Variants in LRRC72 observed in about 807,000 individuals in gnomAD.
LRRC72 encodes leucine rich repeat containing 72.
In LRRC72, 41 loss-of-function variants were observed where a neutral mutation model predicts 35.8. That is an observed-to-expected ratio of 1.15 (90% CI 0.89 to 1.49). LRRC72 has a LOEUF of 1.49. Among genes scored for constraint, LRRC72 ranks in the 40% most tolerant of loss-of-function variants. LRRC72 has a pLI of 0.00. For missense variants in LRRC72, 389 were observed against 330.7 expected (o/e 1.18, Z -1.37); for synonymous variants, 118 against 119.2 (o/e 0.99, Z 0.07).
At chr7:16,542,206 G>C (rs775572632) in intron 3 of LRRC72, among the ~76,000 whole-genome samples, 16 of 152,190 alleles carry the variant, frequency 1.1e-4, no homozygotes, top group Admixed American at 2.0e-4. Context: ...ACTACTCATT[G>C]AATATTCACA....
At chr7:16,554,779 G>T (rs780175434) in intron 3 of LRRC72, among the ~76,000 whole-genome samples, 1 of 152,126 alleles carries the variant, frequency 6.6e-6, no homozygotes, top group Non-Finnish European at 1.5e-5. Context: ...GTTAATGCTC[G>T]TGGGAAAACC....
At chr7:16,547,389 G>A (rs1345490821) in intron 3 of LRRC72, among the ~76,000 whole-genome samples, 1 of 152,106 alleles carries the variant, frequency 6.6e-6, no homozygotes, top group Non-Finnish European at 1.5e-5. Context: ...GAGCTCCCCA[G>A]GCACAACTAC....
chr7:16,559,060 C>A, intron 5 of LRRC72, 61 bp downstream of exon 5: 1 of 1,044,434 alleles, frequency 9.6e-7, no homozygotes, highest in African/African-American at 1.6e-5. Flanking sequence ...AGACATTTTT[C>A]CATTTATCAA....
intron 7 of LRRC72, among the ~76,000 whole-genome samples, chr7:16,574,452 T>C (rs144572817): frequency 0.015 from 2,337 of 152,264 alleles, 59 homozygotes; most frequent in African/African-American, 0.054. Flanking sequence ...ATATACACCA[T>C]GGAATACTAT....
chr7:16,569,710 G>A (rs545180656), intron 7 of LRRC72, among the ~76,000 whole-genome samples: 114 of 151,866 alleles, frequency 7.5e-4, no homozygotes, highest in Admixed American at 3.9e-3. Flanking sequence ...AGAGAGGAAG[G>A]GAAGGGAAGG....
chr7:16,576,433 T>C (rs927847015), intron 7 of LRRC72, among the ~76,000 whole-genome samples: 8 of 152,228 alleles, frequency 5.3e-5, no homozygotes, highest in Non-Finnish European at 1.0e-4. Flanking sequence ...ATTTTGATTT[T>C]ATTATCCTTC....
chr7:16,532,762 A>C (rs1213399013), intron 2 of LRRC72, 194 bp downstream of exon 2: 3 of 651,462 alleles, frequency 4.6e-6, no homozygotes, highest in African/African-American at 3.7e-5. Context: ...AAAAAAAAAA[A>C]AATTATGGAG....
intron 1 of LRRC72, among the ~76,000 whole-genome samples, chr7:16,531,512 C>T (rs1370925368): frequency 6.6e-6 from 1 of 152,220 alleles, no homozygotes; most frequent in East Asian, 1.9e-4. Context: ...AGCAAAACCA[C>T]TGTCAAAATT....
chr7:16,550,632 G>T (rs747323844), intron 3 of LRRC72, among the ~76,000 whole-genome samples: 1 of 152,142 alleles, frequency 6.6e-6, no homozygotes, highest in South Asian at 2.1e-4. Flanking sequence ...GTGATCTTTT[G>T]TTACTTATCA....
intron 4 of LRRC72, among the ~76,000 whole-genome samples, chr7:16,558,438 C>T (rs1384865040): frequency 2.6e-5 from 4 of 152,022 alleles, no homozygotes; most frequent in African/African-American, 9.7e-5. Flanking sequence ...GTGAAACCCC[C>T]GTCTCTACTA....
intron 7 of LRRC72, among the ~76,000 whole-genome samples, chr7:16,570,156 G>A (rs1412969507): frequency 6.6e-6 from 1 of 152,206 alleles, no homozygotes; most frequent in African/African-American, 2.4e-5. Context: ...GTTCTTTTGA[G>A]AGGATCTTAT....
At chr7:16,565,353 A>C (rs1252794033) in intron 5 of LRRC72, among the ~76,000 whole-genome samples, 4 of 151,932 alleles carry the variant, frequency 2.6e-5, no homozygotes, top group Non-Finnish European at 5.9e-5. Context: ...CAATTGCTTG[A>C]ACCCGGGAGG....
At chr7:16,531,491 C>T (rs764185870) in intron 1 of LRRC72, among the ~76,000 whole-genome samples, 2 of 152,168 alleles carry the variant, frequency 1.3e-5, no homozygotes, top group Non-Finnish European at 2.9e-5. Flanking sequence ...TGTTAAAGTC[C>T]TCTACCAAAT....
At chr7:16,543,003 A>T (rs517529) in intron 3 of LRRC72, among the ~76,000 whole-genome samples, 129,400 of 152,244 alleles carry the variant, frequency 0.85, 55,527 homozygotes, top group East Asian at 1. Flanking sequence ...GATAAGTAAA[A>T]AAGCTAATGT....
chr7:16,557,086 A>C (rs1782661780), intron 3 of LRRC72, among the ~76,000 whole-genome samples: 1 of 152,200 alleles, frequency 6.6e-6, no homozygotes, highest in Non-Finnish European at 1.5e-5. Flanking sequence ...CAGGTTACAG[A>C]GGTTTGGAAA....
chr7:16,562,000 A>C (rs1021302016), intron 5 of LRRC72, among the ~76,000 whole-genome samples: 12 of 152,228 alleles, frequency 7.9e-5, no homozygotes, highest in African/African-American at 2.9e-4. Context: ...AGAGGGTGAG[A>C]AAATAGCCTG....
chr7:16,538,517 TC>T (rs769357912), intron 3 of LRRC72, among the ~76,000 whole-genome samples: 2 of 152,138 alleles, frequency 1.3e-5, no homozygotes, highest in African/African-American at 4.8e-5. Context: ...ACGTGCAGAA[TC>T]CCTTATACAG....
intron 7 of LRRC72, among the ~76,000 whole-genome samples, chr7:16,575,718 T>A (rs142465806): frequency 1.4e-4 from 22 of 152,338 alleles, no homozygotes; most frequent in Admixed American, 5.9e-4. Flanking sequence ...TTCCTTTTAC[T>A]TCATGTGAGA....
At chr7:16,537,491 G>C (rs1460917530) in intron 2 of LRRC72, 136 bp from the exon 3 acceptor site, 2 of 475,370 alleles carry the variant, frequency 4.2e-6, no homozygotes, top group African/African-American at 2.0e-5. Flanking sequence ...GAAATAAGCA[G>C]GTGAGTGTGC....
Sources: gnomAD v4.1 joint callset for allele counts (sites outside exome capture counted in the v4.1 genomes callset) on GRCh38, gnomAD v4.1.1 for gene constraint, MANE v1.5 for transcripts, NCBI Gene and HGNC (gene_info 2026-07-23, HGNC 2026-07-21) for gene names.